Variants in MPP7 observed in about 807,000 individuals in gnomAD.
MPP7 encodes MAGUK p55 subfamily member 7.
A neutral mutation model predicts 76.5 loss-of-function variants in MPP7; 60 were observed. That is an observed-to-expected ratio of 0.78 (90% CI 0.64 to 0.97). The LOEUF (loss-of-function observed/expected upper bound fraction) is 0.97, where lower values mean the gene tolerates loss of function less well. MPP7 is among the 50% of genes least tolerant of loss of function. The pLI, the probability that MPP7 is intolerant of heterozygous loss-of-function variation, is 0.00. For missense variants in MPP7, 641 were observed against 694.0 expected (o/e 0.92, Z 0.86); for synonymous variants, 237 against 244.5 (o/e 0.97, Z 0.29).
intron 3 of MPP7, among the ~76,000 whole-genome samples, chr10:28,179,387 T>C (rs1836985096): frequency 6.6e-6 from 1 of 152,144 alleles, no homozygotes; most frequent in South Asian, 2.1e-4. Flanking sequence ...AGTCATATGG[T>C]TTAAGACCAC....
intron 3 of MPP7, among the ~76,000 whole-genome samples, chr10:28,152,329 T>C (rs1183052147): frequency 6.6e-6 from 1 of 152,232 alleles, no homozygotes; most frequent in Non-Finnish European, 1.5e-5. Flanking sequence ...TGTTTTACTT[T>C]ACCGCATCAT....
chr10:28,155,598 C>CAAAA (rs71391013), intron 3 of MPP7, among the ~76,000 whole-genome samples: 2 of 124,640 alleles, frequency 1.6e-5, no homozygotes, highest in East Asian at 2.6e-4. Flanking sequence ...ACCCTGTCTC[C>CAAAA]AAAAAAAAAA....
chr10:28,265,540 C>A (rs556392243), intron 1 of MPP7, among the ~76,000 whole-genome samples: 2 of 152,204 alleles, frequency 1.3e-5, no homozygotes, highest in African/African-American at 4.8e-5. Context: ...GCTTGGGCAA[C>A]AGCATAAGAT....
At chr10:28,247,478 AACAG>A (rs1405385349) in intron 1 of MPP7, among the ~76,000 whole-genome samples, 1 of 152,188 alleles carries the variant, frequency 6.6e-6, no homozygotes, top group Admixed American at 6.5e-5. Context: ...AGCTATCTTA[AACAG>A]ACAGTGATAA....
chr10:28,226,575 T>C (rs935384035), intron 2 of MPP7, among the ~76,000 whole-genome samples: 3 of 152,120 alleles, frequency 2.0e-5, no homozygotes, highest in Admixed American at 1.3e-4. Context: ...GAGTACTGAG[T>C]TTCTGTATGG....
chr10:28,201,884 C>T (rs1473189439), intron 3 of MPP7, among the ~76,000 whole-genome samples: 1 of 152,112 alleles, frequency 6.6e-6, no homozygotes, highest in East Asian at 1.9e-4. Context: ...GAGTCTAAAC[C>T]TTCCTGCTAC....
chr10:28,279,500 G>T (rs11006982), intron 1 of MPP7, among the ~76,000 whole-genome samples: 2 of 151,750 alleles, frequency 1.3e-5, no homozygotes, highest in Admixed American at 6.6e-5. Context: ...AGGCCGAGGC[G>T]GGTGGATCAC....
intron 1 of MPP7, among the ~76,000 whole-genome samples, chr10:28,261,010 C>T (rs1839933672): frequency 1.3e-5 from 2 of 152,112 alleles, no homozygotes; most frequent in South Asian, 4.1e-4. Context: ...TTTACCAAAG[C>T]AATTAGTTTT....
intron 2 of MPP7, among the ~76,000 whole-genome samples, chr10:28,236,012 C>T (rs1351498362): frequency 6.6e-6 from 1 of 152,180 alleles, no homozygotes; most frequent in Non-Finnish European, 1.5e-5. Flanking sequence ...AATACGCTAG[C>T]TATCACTAGT....
At chr10:28,287,232 C>G (rs1840809751) in intron 1 of MPP7, among the ~76,000 whole-genome samples, 1 of 152,130 alleles carries the variant, frequency 6.6e-6, no homozygotes, top group Non-Finnish European at 1.5e-5. Flanking sequence ...AAAATTGTAT[C>G]TGCCACCAAG....
chr10:28,100,333 T>C (rs995836603), intron 11 of MPP7, among the ~76,000 whole-genome samples: 12 of 152,244 alleles, frequency 7.9e-5, no homozygotes, highest in Middle Eastern at 3.4e-3. Context: ...TCTCATTATA[T>C]GCCAATCATA....
At chr10:28,126,516 T>C (rs1467371363) in intron 6 of MPP7, among the ~76,000 whole-genome samples, 1 of 152,184 alleles carries the variant, frequency 6.6e-6, no homozygotes. Context: ...AGATAACTAG[T>C]ATATGGAAAA....
chr10:28,322,620 G>GTT (rs1834378317), intron 2 of MPP7, among the ~76,000 whole-genome samples: 6 of 151,998 alleles, frequency 3.9e-5, no homozygotes, highest in Admixed American at 3.9e-4. Flanking sequence ...CTTTCCCAGG[G>GTT]GTAAAACTCA....
At chr10:28,093,557 A>G (rs1357512491) in intron 11 of MPP7, among the ~76,000 whole-genome samples, 1 of 149,548 alleles carries the variant, frequency 6.7e-6, no homozygotes, top group Non-Finnish European at 1.5e-5. Context: ...AGCGATTCTC[A>G]TGCCTCAGCC....
chr10:28,187,282 G>T (rs1837268820), intron 3 of MPP7, among the ~76,000 whole-genome samples: 1 of 152,168 alleles, frequency 6.6e-6, no homozygotes, highest in Non-Finnish European at 1.5e-5. Context: ...ACCATTTTTA[G>T]AGTATGAATT....
At chr10:28,331,996 T>C (rs1160359036) in intron 1 of MPP7, among the ~76,000 whole-genome samples, 2 of 152,224 alleles carry the variant, frequency 1.3e-5, no homozygotes, top group Non-Finnish European at 2.9e-5. Context: ...ATTGTATTTC[T>C]GCCCTCTATA....
chr10:28,241,109 C>A (rs1216525084), intron 1 of MPP7, among the ~76,000 whole-genome samples: 1 of 152,078 alleles, frequency 6.6e-6, no homozygotes, highest in Non-Finnish European at 1.5e-5. Context: ...TGCTTGTAAA[C>A]CATACACACC....
At chr10:28,106,009 T>G (rs947081006) in intron 11 of MPP7, among the ~76,000 whole-genome samples, 1 of 152,212 alleles carries the variant, frequency 6.6e-6, no homozygotes, top group African/African-American at 2.4e-5. Flanking sequence ...ATTCATGCTA[T>G]TCTCATTCTA....
At chr10:28,319,943 CA>C (rs772496356) in intron 2 of MPP7, among the ~76,000 whole-genome samples, 21 of 146,106 alleles carry the variant, frequency 1.4e-4, no homozygotes, top group Non-Finnish European at 2.7e-4. Context: ...ACAACAGAGA[CA>C]GACTCTCTCT....
Sources: allele counts gnomAD v4.1 joint callset (sites outside exome capture counted in the v4.1 genomes callset), GRCh38; gene constraint gnomAD v4.1.1; transcripts MANE v1.5; gene names NCBI Gene and HGNC (gene_info 2026-07-23, HGNC 2026-07-21).